DPYSL2: variants seen among roughly 807,000 people sequenced by gnomAD.
DPYSL2 encodes the protein dihydropyrimidinase-related protein 2.
A neutral mutation model predicts 69.9 loss-of-function variants in DPYSL2; 13 were observed. That is an observed-to-expected ratio of 0.19 (90% CI 0.12 to 0.30). DPYSL2 has a LOEUF of 0.30. Among genes scored for constraint, DPYSL2 ranks in the 10% least tolerant of loss-of-function variants. DPYSL2 has a pLI of 1.00. For synonymous variants in DPYSL2, 326 were observed against 359.1 expected (o/e 0.91, Z 1.04); for missense variants, 587 against 918.9 (o/e 0.64, Z 4.67).
Position 26,514,242 on chromosome 8 carries a change from G to A in DPYSL2, c.-84G>A, listed in dbSNP as rs558546863. The A allele has an allele frequency of 2.4e-5, 29 of 1,214,646 alleles. No homozygotes were observed. The African/African-American group carries it at 4.2e-4, about 17-fold the overall frequency. The allele number at this position is 1,214,646 out of a possible 1,614,324, so 75.2% of individuals were successfully genotyped here. On this transcript the variant is annotated 5_prime_UTR_variant, in exon 1 of 14. Transcript: ENST00000521913. The surrounding 1 kb of genome is among the most constrained non-coding windows in gnomAD (Gnocchi z 8.4). ...GAACGGCAGCCGCGGCAGCAGCTAG[G>A]GGGCTTGTGCACACAGCGAGGGAGA...
Position 26,554,948 on chromosome 8 carries a change from T to A in DPYSL2, c.355-27021T>A, listed in dbSNP as rs541909928. ...GAACCAGTGGGATTTACTCCAGGTT[T>A]ACAAGAGTGGTTCAACATTCAAAAT... On this transcript the variant is annotated intron_variant, in intron 1 of 13. Coordinates refer to ENST00000521913, the MANE Select transcript of DPYSL2 (RefSeq NM_001197293.3). 6.6e-5 allele frequency among the ~76,000 whole-genome samples: 10 copies of A among 152,300 alleles called. 1 individual carries two copies. The South Asian group carries it at 2.1e-3, about 32-fold the overall frequency.
At chr8:26,576,392 C>G (rs781628173) in intron 1 of DPYSL2, among the ~76,000 whole-genome samples, 1 of 151,448 alleles carries the variant, frequency 6.6e-6, no homozygotes, top group Non-Finnish European at 1.5e-5. Context: ...CCCATGATTA[C>G]GTAGGGATTC....
At position 26,514,415 on chromosome 8, in the gene DPYSL2, C is replaced by A; in HGVS notation, c.90C>A (p.Pro30=). 1 of 1,518,142 alleles carries A rather than the reference C, an allele frequency of 6.6e-7. No homozygotes were observed. The highest frequency in any genetic ancestry group is 1.2e-5 in the South Asian group (1 of 81,450). 94.0% of individuals were successfully genotyped at this position (1,518,142 alleles called of 1,614,324 possible). A position where few individuals can be genotyped will look rare whatever the true frequency, so the allele number is the denominator to read the frequency against. The change falls in exon 1 of 14, where the codon CCC becomes CCA. Residue 30 remains proline (P), a synonymous_variant. Transcript: ENST00000521913. The surrounding 1 kb of genome is among the most constrained non-coding windows in gnomAD (Gnocchi z 8.4). Reference sequence around the variant, plus strand: ...ACCTGGGCTCCGGCAGCCCCAAGCCCCGGCAGAAATTCTGTGGCATGTTCT... The same window carrying A: ...ACCTGGGCTCCGGCAGCCCCAAGCCACGGCAGAAATTCTGTGGCATGTTCT... ...FKNLGSGSPK[P]RQKFCGMFCP...
In DPYSL2 at chr8:26,641,737, C is replaced by G. The variant is rs1379651225; in HGVS notation, c.1127-1702C>G. 6.6e-6 allele frequency among the ~76,000 whole-genome samples: 1 copy of G among 152,160 alleles called. No individual in the cohort carries two copies. The highest frequency in any genetic ancestry group is 1.5e-5 in the Non-Finnish European group (1 of 68,038). ...GGGGCTTCCTTCTGGAGGAGGTTTC[C>G]CTGGGTTTGGAGTCCTCCCTCCTGC... On this transcript the variant is annotated intron_variant, in intron 8 of 13. Coordinates refer to ENST00000521913, the MANE Select transcript of DPYSL2 (RefSeq NM_001197293.3). The surrounding 1 kb of genome is among the most constrained non-coding windows in gnomAD (Gnocchi z 4.1).
chr8:26,655,395 G>T (rs1474052594), intron 13 of DPYSL2, among the ~76,000 whole-genome samples: 1 of 152,106 alleles, frequency 6.6e-6, no homozygotes, highest in African/African-American at 2.4e-5. Context: ...TCTTGAGGGG[G>T]CCGAGTGGGA....
At chr8:26,628,010 G>A in intron 7 of DPYSL2, 70 bp downstream of exon 7, 5 of 1,497,726 alleles carry the variant, frequency 3.3e-6, no homozygotes, top group Non-Finnish European at 3.6e-6. Context: ...CAGGGAACCT[G>A]CTTCCTGCCT....
In DPYSL2 at chr8:26,605,783, T is replaced by C. The variant is rs1420359390; in HGVS notation, c.629-18360T>C. 6.6e-6 allele frequency among the ~76,000 whole-genome samples: 1 copy of C among 152,190 alleles called. No individual in the cohort carries two copies. Among genetic ancestry groups the C allele is most frequent in the African/African-American group, 2.4e-5 (1 of 41,466 alleles). ...TAGGAATTATAAGAATACATTCTTATATATGGAATCCAAGAAGAGTCTTAA... is the reference window on the plus strand; with the variant it reads ...TAGGAATTATAAGAATACATTCTTACATATGGAATCCAAGAAGAGTCTTAA... On this transcript the variant is annotated intron_variant, in intron 3 of 13. Transcript: ENST00000521913. This position sits in a 1 kb window ranked among gnomAD's most constrained non-coding sequence, Gnocchi z 4.1.
At chr8:26,638,761 T>G (rs1048620593) in intron 8 of DPYSL2, among the ~76,000 whole-genome samples, 2 of 152,222 alleles carry the variant, frequency 1.3e-5, no homozygotes, top group African/African-American at 4.8e-5. Flanking sequence ...GAAGTAGAAA[T>G]GCAGAAATTG....
In DPYSL2 at chr8:26,626,774, C is replaced by G; in HGVS notation, c.855+96C>G. The G allele has an allele frequency of 7.6e-7, 1 of 1,311,880 alleles. No homozygotes were observed. The highest frequency in any genetic ancestry group is 1.1e-6 in the Non-Finnish European group (1 of 925,272). 81.3% of individuals were successfully genotyped at this position (1,311,880 alleles called of 1,614,324 possible). A position where few individuals can be genotyped will look rare whatever the true frequency, so the allele number is the denominator to read the frequency against. ...GCAGTCTCCGATGTATGCATGTTTCCTAGCTTCCTGGGAAGTGGCTGGTGG... is the reference window on the plus strand; with the variant it reads ...GCAGTCTCCGATGTATGCATGTTTCGTAGCTTCCTGGGAAGTGGCTGGTGG... On this transcript the variant is annotated intron_variant, in intron 5 of 13. Coordinates refer to ENST00000521913, the MANE Select transcript of DPYSL2 (RefSeq NM_001197293.3). The surrounding 1 kb of genome is among the most constrained non-coding windows in gnomAD (Gnocchi z 4.3).
intron 3 of DPYSL2, among the ~76,000 whole-genome samples, chr8:26,592,633 G>A (rs1012439056): frequency 6.6e-6 from 1 of 151,684 alleles, no homozygotes; most frequent in Non-Finnish European, 1.5e-5. Context: ...GCACCAACAT[G>A]CCCAGCTAAT....
rs762312752 is a variant in DPYSL2 at position 26,653,215 on chromosome 8, A to G, written c.1777-17A>G. 1.2e-6 allele frequency: 2 copies of G among 1,609,072 alleles called. No homozygotes were observed. The highest frequency in any genetic ancestry group is 1.7e-6 in the Non-Finnish European group (2 of 1,177,474). ...TGTGGCTGTGGCCTGAGCTGGGGGG[A>G]CTCTTGTGTTTTGCAGCTGGCTGAG... On this transcript the variant is annotated splice_polypyrimidine_tract_variant and intron_variant, in intron 12 of 13. Coordinates refer to ENST00000521913, the MANE Select transcript of DPYSL2 (RefSeq NM_001197293.3). The surrounding 1 kb of genome is among the most constrained non-coding windows in gnomAD (Gnocchi z 5.7).
At chr8:26,569,363 AAC>A (rs1269518777) in intron 1 of DPYSL2, among the ~76,000 whole-genome samples, 4 of 85,866 alleles carry the variant, frequency 4.7e-5, no homozygotes, top group Non-Finnish European at 6.9e-5. Context: ...CCAAAAAAAA[AAC>A]AAAAACAAAA....
chr8:26,532,851 T>C (rs1800533893), intron 1 of DPYSL2, among the ~76,000 whole-genome samples: 1 of 152,232 alleles, frequency 6.6e-6, no homozygotes, highest in Non-Finnish European at 1.5e-5. Flanking sequence ...AGAATCTGTG[T>C]GAACATATGT....
Position 26,626,698 on chromosome 8 carries a change from G to A in DPYSL2, c.855+20G>A, listed in dbSNP as rs777162266. The A allele has an allele frequency of 1.5e-5, 25 of 1,613,434 alleles. No individual in the cohort carries two copies. The African/African-American group carries it at 1.9e-4, about 12-fold the overall frequency. ...TGCCAGGTAAGAAAGTCGGCTTTTCGGAAGAGGCACCCTGACATTTGGTAC... is the reference window on the plus strand; with the variant it reads ...TGCCAGGTAAGAAAGTCGGCTTTTCAGAAGAGGCACCCTGACATTTGGTAC... On this transcript the variant is annotated intron_variant, in intron 5 of 13. Coordinates refer to ENST00000521913, the MANE Select transcript of DPYSL2 (RefSeq NM_001197293.3). This position sits in a 1 kb window ranked among gnomAD's most constrained non-coding sequence, Gnocchi z 4.3.
chr8:26,577,563 G>C (rs1241010326), intron 1 of DPYSL2, among the ~76,000 whole-genome samples: 1 of 149,170 alleles, frequency 6.7e-6, no homozygotes, highest in Admixed American at 6.7e-5. Context: ...GCGCGCAGGC[G>C]AGTGCGTGCG....
chr8:26,523,967 ATG>A (rs1212723960), intron 1 of DPYSL2, among the ~76,000 whole-genome samples: 1 of 152,250 alleles, frequency 6.6e-6, no homozygotes, highest in Non-Finnish European at 1.5e-5. Flanking sequence ...CTTGTGAATA[ATG>A]TTGCTATGAA....
In DPYSL2 at chr8:26,627,683, C is replaced by G. The variant is rs1390152131; in HGVS notation, c.937-189C>G. 1.3e-5 allele frequency among the ~76,000 whole-genome samples: 2 copies of G among 152,204 alleles called. No homozygotes were observed. The highest frequency in any genetic ancestry group is 4.8e-5 in the African/African-American group (2 of 41,454). On this transcript the variant is annotated intron_variant, in intron 6 of 13. Coordinates refer to ENST00000521913, the MANE Select transcript of DPYSL2 (RefSeq NM_001197293.3). The surrounding 1 kb of genome is among the most constrained non-coding windows in gnomAD (Gnocchi z 6.9). ...GGGTTTTGGGAGGCTGTAATTGATC[C>G]ATCCTGCTCAGGCGGGACTGGGAAC...
At position 26,650,792 on chromosome 8, in the gene DPYSL2, A is replaced by T. The variant is rs918968334; in HGVS notation, c.1597-1465A>T. ...CTTGGCATTGGTTGCCAAGAGGGAA[A>T]AATGTCTCCCCCAAGAATTGGAACT... On this transcript the variant is annotated intron_variant, in intron 11 of 13. Coordinates refer to ENST00000521913, the MANE Select transcript of DPYSL2 (RefSeq NM_001197293.3). This position sits in a 1 kb window ranked among gnomAD's most constrained non-coding sequence, Gnocchi z 5.3. Among the ~76,000 whole-genome samples the T allele has an allele frequency of 1.3e-5, 2 of 152,220 alleles. No homozygotes were observed. Among genetic ancestry groups the T allele is most frequent in the Admixed American group, 1.3e-4 (2 of 15,280 alleles).
chr8:26,548,295 G>A (rs1414505203), intron 1 of DPYSL2: 2 of 218,926 alleles, frequency 9.1e-6, no homozygotes, highest in Admixed American at 1.0e-4. Flanking sequence ...GGAGATCGGG[G>A]ACACCGTGCT....
Sources: gnomAD v4.1 joint callset for allele counts (sites outside exome capture counted in the v4.1 genomes callset) on GRCh38, gnomAD v4.1.1 for gene constraint, Gnocchi (gnomAD v3.1) non-coding constraint, MANE v1.5 for transcripts, NCBI Gene and HGNC (gene_info 2026-07-23, HGNC 2026-07-21) for gene names.